Variants in CTCF observed in about 807,000 individuals in gnomAD.
The protein encoded by CTCF is transcriptional repressor CTCF.
A neutral mutation model predicts 72.3 loss-of-function variants in CTCF; 7 were observed. The observed-to-expected ratio is 0.10, with a 90% CI of 0.06 to 0.18. The LOEUF (loss-of-function observed/expected upper bound fraction) is 0.18. CTCF is among the 10% of genes least tolerant of loss of function. The pLI is 1.00. For missense variants in CTCF, 516 were observed against 949.1 expected, an observed-to-expected ratio of 0.54 and a Z score of 6.00; for synonymous variants, 374 against 315.8, an observed-to-expected ratio of 1.18 and a Z score of -1.95.
chr16:67,564,438 G>A (rs541864625), intron 1 of CTCF, among the ~76,000 whole-genome samples: 1 of 152,314 alleles, frequency 6.6e-6, no homozygotes, highest in African/African-American at 2.4e-5. Flanking sequence ...GCTCCTCACT[G>A]CAGTCCTCTT....
chr16:67,600,112 C>A (rs895659397), intron 2 of CTCF, among the ~76,000 whole-genome samples: 1 of 152,094 alleles, frequency 6.6e-6, no homozygotes, highest in Non-Finnish European at 1.5e-5. Flanking sequence ...GAGGGAAAGG[C>A]CCTTGGGTTG....
chr16:67,606,024 T>C (rs2051968775), intron 2 of CTCF, among the ~76,000 whole-genome samples: 1 of 152,190 alleles, frequency 6.6e-6, no homozygotes, highest in South Asian at 2.1e-4. Flanking sequence ...TTAAGTCTTC[T>C]TCTTTGTGAA....
At chr16:67,570,731 G>A (rs1256684787) in intron 1 of CTCF, 1 of 149,174 alleles carries the variant, frequency 6.7e-6, no homozygotes, top group Non-Finnish European at 1.5e-5. Flanking sequence ...ATGAGCCACC[G>A]CGCCTGGCCT....
intron 2 of CTCF, among the ~76,000 whole-genome samples, chr16:67,576,310 G>A (rs1363607362): frequency 6.6e-6 from 1 of 151,996 alleles, no homozygotes; most frequent in Admixed American, 6.6e-5. Flanking sequence ...TTATTTGGAT[G>A]AATGAATGCC....
At chr16:67,572,025 T>A (rs965710113) in intron 2 of CTCF, among the ~76,000 whole-genome samples, 1 of 152,184 alleles carries the variant, frequency 6.6e-6, no homozygotes, top group African/African-American at 2.4e-5. Context: ...GAAAATAATT[T>A]AATCGTACAT....
intron 2 of CTCF, among the ~76,000 whole-genome samples, chr16:67,589,889 C>A (rs1000349844): frequency 6.6e-6 from 1 of 152,062 alleles, no homozygotes; most frequent in Non-Finnish European, 1.5e-5. Context: ...GAGTTTGAGA[C>A]CAGCTTGGCC....
rs542165777 is a variant in CTCF, at chr16:67,590,661, C to T, written c.-10+19397C>T. ...CCTAACTGTTCTTTTAAAAATTGGC[C>T]GAGCACGGTGATCGGCCAGGTGTGA... On this transcript the variant is annotated intron_variant, in intron 2 of 11. Transcript: ENST00000264010. 5.3e-5 allele frequency among the ~76,000 whole-genome samples: 8 copies of T among 151,358 alleles called. No individual in the cohort carries two copies. The South Asian group carries it at 8.3e-4, about 16-fold the overall frequency.
chr16:67,597,964 C>CT (rs1260674947), intron 2 of CTCF, among the ~76,000 whole-genome samples: 2 of 151,762 alleles, frequency 1.3e-5, no homozygotes, highest in African/African-American at 4.8e-5. Flanking sequence ...GGGTTGTTTT[C>CT]TTTTTGGTTT....
At chr16:67,579,323 A>G (rs1261677945) in intron 2 of CTCF, among the ~76,000 whole-genome samples, 2 of 152,030 alleles carry the variant, frequency 1.3e-5, no homozygotes, top group Non-Finnish European at 2.9e-5. Flanking sequence ...ACGTTGTTCT[A>G]GACGTTTGAG....
In CTCF at chr16:67,638,416, T is replaced by G. The variant is rs955958882; in HGVS notation, c.*544T>G. 2 of 225,414 alleles carry G rather than the reference T, an allele frequency of 8.9e-6. No homozygotes were observed. The highest frequency in any genetic ancestry group is 1.8e-5 in the Non-Finnish European group (2 of 113,222). The allele number at this position is 225,414 out of a possible 1,614,324, so 14.0% of individuals were successfully genotyped here. A position where few individuals can be genotyped will look rare whatever the true frequency, so the allele number is the denominator to read the frequency against. On this transcript the variant is annotated 3_prime_UTR_variant, in exon 12 of 12. Coordinates refer to ENST00000264010, the MANE Select transcript of CTCF (RefSeq NM_006565.4). ...TTTCTTGGCAAAGTTTCTGGTATGGTCAAGCTTGTAAATAACTTTTTTTAC... is the reference window on the plus strand; with the variant it reads ...TTTCTTGGCAAAGTTTCTGGTATGGGCAAGCTTGTAAATAACTTTTTTTAC...
intron 2 of CTCF, among the ~76,000 whole-genome samples, chr16:67,590,770 A>G (rs189127773): frequency 6.6e-6 from 1 of 151,922 alleles, no homozygotes; most frequent in Non-Finnish European, 1.5e-5. Flanking sequence ...CAGCGTGGCC[A>G]ACATGGCGAA....
At chr16:67,592,239 C>T (rs2051754606) in intron 2 of CTCF, among the ~76,000 whole-genome samples, 1 of 152,026 alleles carries the variant, frequency 6.6e-6, no homozygotes, top group South Asian at 2.1e-4. Flanking sequence ...TAGTGAAACC[C>T]TGTCTCTACT....
intron 2 of CTCF, among the ~76,000 whole-genome samples, chr16:67,580,126 T>G (rs2051559964): frequency 6.6e-6 from 1 of 152,212 alleles, no homozygotes; most frequent in South Asian, 2.1e-4. Flanking sequence ...GCCATTGCAT[T>G]GGTCCATGCA....
intron 2 of CTCF, among the ~76,000 whole-genome samples, chr16:67,574,081 C>G (rs1305665859): frequency 1.3e-5 from 2 of 151,880 alleles, no homozygotes; most frequent in Non-Finnish European, 2.9e-5. Flanking sequence ...ATTTTCCTCA[C>G]ACACCAAACA....
chr16:67,575,989 TA>T (rs35681914), intron 2 of CTCF, among the ~76,000 whole-genome samples: 5,102 of 114,112 alleles, frequency 0.045, 113 homozygotes, highest in African/African-American at 0.059. Flanking sequence ...ACCTTGTCTG[TA>T]AAAAAAAAAA....
In CTCF at chr16:67,571,131, T is replaced by G. The variant is rs1045385730; in HGVS notation, c.-126-17T>G. 6.6e-6 allele frequency: 1 copy of G among 152,512 alleles called. No homozygotes were observed. The highest frequency in any genetic ancestry group is 2.4e-5 in the African/African-American group (1 of 41,426). The allele number at this position is 152,512 out of a possible 1,614,324, so 9.4% of individuals were successfully genotyped here. A position where few individuals can be genotyped will look rare whatever the true frequency, so the allele number is the denominator to read the frequency against. On this transcript the variant is annotated splice_polypyrimidine_tract_variant and intron_variant, in intron 1 of 11. Transcript: ENST00000264010. ...TGAATTTAGTGTTTCATAAAATGAT[T>G]TGTGCTTTTCTTTTAGAATGATTAC...
chr16:67,632,074 CAAA>C (rs556248338), intron 10 of CTCF, among the ~76,000 whole-genome samples: 4 of 96,338 alleles, frequency 4.2e-5, no homozygotes, highest in African/African-American at 3.9e-5. Context: ...ACCCTGTCTC[CAAA>C]AAAAAAAAAA....
chr16:67,618,912 C>T (rs1178751579), intron 5 of CTCF, among the ~76,000 whole-genome samples: 2 of 152,092 alleles, frequency 1.3e-5, no homozygotes, highest in Non-Finnish European at 1.5e-5. Context: ...ATATGAATGG[C>T]TAAGAAAAAT....
intron 5 of CTCF, among the ~76,000 whole-genome samples, chr16:67,618,709 G>A (rs1357291522): frequency 6.6e-6 from 1 of 152,176 alleles, no homozygotes; most frequent in Non-Finnish European, 1.5e-5. Context: ...TAAGCATACA[G>A]AAATCAGTAA....
Sources: allele counts gnomAD v4.1 joint callset (sites outside exome capture counted in the v4.1 genomes callset), GRCh38; gene constraint gnomAD v4.1.1; transcripts MANE v1.5; gene names NCBI Gene and HGNC (gene_info 2026-07-23, HGNC 2026-07-21).